The following SHANK2 variants were observed in gnomAD, a reference collection of about 807,000 sequenced individuals.
SHANK2 encodes the protein SH3 and multiple ankyrin repeat domains protein 2.
A neutral mutation model predicts 133.7 loss-of-function variants in SHANK2; 43 were observed. The ratio of observed to expected loss-of-function variants is 0.32; its 90% CI spans 0.25 to 0.41. SHANK2 has a LOEUF of 0.41. SHANK2 is among the 10% of genes least tolerant of loss of function. SHANK2 has a pLI of 1.00. For synonymous variants in SHANK2, 1,017 were observed against 952.8 expected, an observed-to-expected ratio of 1.07 and a Z score of -1.24; for missense variants, 1,994 against 2,235.8, an observed-to-expected ratio of 0.89 and a Z score of 2.18.
chr11:70,951,561 ACGTCATAAATTCATTTCCTC>A (rs1555086647), intron 10 of SHANK2, among the ~76,000 whole-genome samples: 6 of 150,238 alleles, frequency 4.0e-5, no homozygotes, highest in Admixed American at 1.3e-4. Context: ...CTGCGTGGTG[ACGTCATAAATTCATTTCCTC>A]TGGCTGCTGT....
At chr11:70,650,169 T>C (rs1279327637) in intron 17 of SHANK2, among the ~76,000 whole-genome samples, 1 of 152,120 alleles carries the variant, frequency 6.6e-6, no homozygotes, top group Non-Finnish European at 1.5e-5. Flanking sequence ...GAAACCTCAG[T>C]GGTGAGGGGA....
At chr11:71,096,431 AC>A (rs1157925416) in intron 6 of SHANK2, among the ~76,000 whole-genome samples, 1 of 151,998 alleles carries the variant, frequency 6.6e-6, no homozygotes, top group Non-Finnish European at 1.5e-5. Flanking sequence ...TCAAGGGGTG[AC>A]CCCTGCCTGC....
chr11:71,108,372 C>A (rs1211094035), intron 6 of SHANK2, among the ~76,000 whole-genome samples: 1 of 152,160 alleles, frequency 6.6e-6, no homozygotes, highest in African/African-American at 2.4e-5. Context: ...CTCTGCTTCC[C>A]AGCTCAGCTC....
At position 71,152,516 on chromosome 11, in the gene SHANK2, G is replaced by A. The variant is rs574689665; in HGVS notation, c.-12-5178C>T. ...AAACCAACAGCCCACAGCAGGAAGG[G>A]CGGCAAGGAGGGGCTCCTGAGGCCA... On this transcript the variant is annotated intron_variant, in intron 2 of 25. Transcript: ENST00000601538. Among the ~76,000 whole-genome samples, 345 of 152,344 alleles carry A rather than the reference G, an allele frequency of 2.3e-3. 3 individuals are homozygous for A. Among genetic ancestry groups the A allele is most frequent in the Non-Finnish European group, 3.5e-3 (236 of 68,032 alleles).
intron 6 of SHANK2, among the ~76,000 whole-genome samples, chr11:71,098,152 C>T (rs1951657373): frequency 7.5e-6 from 1 of 134,054 alleles, no homozygotes; most frequent in African/African-American, 2.9e-5. Context: ...TGCATGCATG[C>T]CTGTGTGCAT....
chr11:70,577,786 C>A (rs554685081), intron 17 of SHANK2, among the ~76,000 whole-genome samples: 2 of 152,176 alleles, frequency 1.3e-5, no homozygotes, highest in African/African-American at 4.8e-5. Flanking sequence ...ACAGTCCCGA[C>A]CCCCACAACC....
intron 2 of SHANK2, among the ~76,000 whole-genome samples, chr11:71,214,273 G>T (rs1284294750): frequency 6.6e-6 from 1 of 152,162 alleles, no homozygotes; most frequent in Admixed American, 6.5e-5. Flanking sequence ...ACCTCCATCA[G>T]TTAAAATCCC....
chr11:70,557,791 A>G (rs2059852817), intron 17 of SHANK2, among the ~76,000 whole-genome samples: 1 of 152,112 alleles, frequency 6.6e-6, no homozygotes, highest in East Asian at 1.9e-4. Context: ...CACGTTTCCA[A>G]CGGACAAGCG....
chr11:71,096,590 AT>A (rs1951617796), intron 6 of SHANK2, among the ~76,000 whole-genome samples: 1 of 152,128 alleles, frequency 6.6e-6, no homozygotes, highest in South Asian at 2.1e-4. Flanking sequence ...GAAGTGACTG[AT>A]CCTCGAAGGG....
intron 2 of SHANK2, among the ~76,000 whole-genome samples, chr11:71,200,518 AACTTCACTCTACATTTG>A (rs879988802): frequency 0.047 from 7,078 of 151,644 alleles, 289 homozygotes; most frequent in Admixed American, 0.14. Context: ...CTCCACGTTT[AACTTCACTCTACATTTG>A]ACTTCACTCT....
rs919788147 is a variant in SHANK2 at position 70,638,014 on chromosome 11, G to C, written c.2061+21814C>G. 2.0e-5 allele frequency among the ~76,000 whole-genome samples: 3 copies of C among 152,218 alleles called. No homozygotes were observed. In the South Asian group the frequency reaches 6.2e-4, roughly 32 times the overall value. On this transcript the variant is annotated intron_variant, in intron 17 of 25. Transcript: ENST00000601538. Reference sequence around the variant, plus strand: ...TGCCAGGTGGGTCCCATTCACAGATGTCTGCTCACCAACCAGCAGGAAGCT... The same window carrying C: ...TGCCAGGTGGGTCCCATTCACAGATCTCTGCTCACCAACCAGCAGGAAGCT...
intron 10 of SHANK2, among the ~76,000 whole-genome samples, chr11:70,899,159 T>C (rs3019844): frequency 0.97 from 148,394 of 152,254 alleles, 72,419 homozygotes; most frequent in Middle Eastern, 1. Flanking sequence ...ATCCAAATCT[T>C]ATCTTGAATT....
intron 6 of SHANK2, among the ~76,000 whole-genome samples, chr11:71,109,067 C>G (rs1343046801): frequency 6.6e-6 from 1 of 152,170 alleles, no homozygotes; most frequent in East Asian, 1.9e-4. Context: ...GATGATGGCA[C>G]TATACCATGC....
At chr11:71,126,720 A>C (rs1224889452) in intron 3 of SHANK2, among the ~76,000 whole-genome samples, 3 of 148,910 alleles carry the variant, frequency 2.0e-5, no homozygotes, top group Admixed American at 1.3e-4. Flanking sequence ...AACCCTCATA[A>C]ACGACTTTTT....
intron 17 of SHANK2, among the ~76,000 whole-genome samples, chr11:70,651,119 C>G (rs1352644094): frequency 6.6e-6 from 1 of 152,228 alleles, no homozygotes; most frequent in Non-Finnish European, 1.5e-5. Context: ...ATGGCACAGC[C>G]TGTGCCCTTG....
At chr11:70,752,365 G>A (rs1946766553) in intron 14 of SHANK2, among the ~76,000 whole-genome samples, 1 of 152,134 alleles carries the variant, frequency 6.6e-6, no homozygotes, top group African/African-American at 2.4e-5. Context: ...TAATATCAAA[G>A]TAGTCTCAAG....
At position 70,698,392 on chromosome 11, in the gene SHANK2, C is replaced by T. The variant is rs1486342702; in HGVS notation, c.1853+296G>A. 42 of 476,216 alleles carry T rather than the reference C, an allele frequency of 8.8e-5. No individual in the cohort carries two copies. The Admixed American group carries it at 1.4e-3, about 16-fold the overall frequency. The allele number at this position is 476,216 out of a possible 1,614,324, so 29.5% of individuals were successfully genotyped here. On this transcript the variant is annotated intron_variant, in intron 15 of 25. Transcript: ENST00000601538. Reference sequence around the variant, plus strand: ...ATACTGCCTCAAGGCTCCTGTGGCCCACTGCCGTCATCCTTGACATTTGCA... The same window carrying T: ...ATACTGCCTCAAGGCTCCTGTGGCCTACTGCCGTCATCCTTGACATTTGCA...
chr11:70,870,482 T>C (rs1555069974), intron 11 of SHANK2, among the ~76,000 whole-genome samples: 1 of 151,956 alleles, frequency 6.6e-6, no homozygotes, highest in African/African-American at 2.4e-5. Context: ...CCAGGAAAGA[T>C]GGGGTATGTT....
At chr11:70,729,128 C>T (rs1376507845) in intron 14 of SHANK2, among the ~76,000 whole-genome samples, 1 of 150,886 alleles carries the variant, frequency 6.6e-6, no homozygotes, top group Non-Finnish European at 1.5e-5. Flanking sequence ...CACTTGGACC[C>T]AGGAGGCAGA....
Sources: gnomAD v4.1 joint callset for allele counts (sites outside exome capture counted in the v4.1 genomes callset) on GRCh38, gnomAD v4.1.1 for gene constraint, MANE v1.5 for transcripts, NCBI Gene and HGNC (gene_info 2026-07-23, HGNC 2026-07-21) for gene names.